Variants in ABI2 observed in about 807,000 individuals in gnomAD.
The protein encoded by ABI2 is abl interactor 2.
ABI2 carries 25 observed loss-of-function variants against 59.2 expected under a neutral mutation model. That is an observed-to-expected ratio of 0.42 (90% CI 0.31 to 0.59). ABI2 has a LOEUF of 0.59. Among genes scored for constraint, ABI2 ranks in the 20% least tolerant of loss-of-function variants. ABI2 has a pLI of 0.14. For missense variants in ABI2, 545 were observed against 681.8 expected (o/e 0.80, Z 2.23); for synonymous variants, 213 against 235.5 (o/e 0.90, Z 0.87).
At chr2:203,371,243 T>G (rs1577488579) in intron 2 of ABI2, among the ~76,000 whole-genome samples, 1 of 152,228 alleles carries the variant, frequency 6.6e-6, no homozygotes, top group Admixed American at 6.5e-5. Flanking sequence ...CCTCTATTAC[T>G]TTAATGTAAC....
intron 1 of ABI2, among the ~76,000 whole-genome samples, chr2:203,344,919 G>T (rs1209451707): frequency 6.6e-6 from 1 of 151,792 alleles, no homozygotes. Flanking sequence ...ACCAATCAGC[G>T]CTCTGTAAAA....
intron 1 of ABI2, among the ~76,000 whole-genome samples, chr2:203,361,610 C>CT (rs1387004305): frequency 6.6e-6 from 1 of 151,752 alleles, no homozygotes; most frequent in African/African-American, 2.4e-5. Context: ...AGAATGAAAA[C>CT]TAAAAAAAAG....
At chr2:203,416,154 A>T (rs1164389730) in intron 10 of ABI2, among the ~76,000 whole-genome samples, 1 of 152,186 alleles carries the variant, frequency 6.6e-6, no homozygotes, top group Non-Finnish European at 1.5e-5. Flanking sequence ...GGACTCATTT[A>T]AGTGAAAAAA....
At chr2:203,357,162 G>A (rs2092334172) in intron 1 of ABI2, among the ~76,000 whole-genome samples, 1 of 152,084 alleles carries the variant, frequency 6.6e-6, no homozygotes, top group South Asian at 2.1e-4. Flanking sequence ...AGCATATATA[G>A]TCCAGTCTAA....
chr2:203,397,045 GT>G, intron 8 of ABI2, 78 bp downstream of exon 8: 1 of 1,287,010 alleles, frequency 7.8e-7, no homozygotes, highest in Non-Finnish European at 9.8e-7. Flanking sequence ...ATTTTTGTTT[GT>G]TTTTGGTTTT....
At position 203,350,340 on chromosome 2, in the gene ABI2, C is replaced by T. The variant is rs952777576; in HGVS notation, c.118-16537C>T. 9.2e-5 allele frequency among the ~76,000 whole-genome samples: 14 copies of T among 151,856 alleles called. No individual in the cohort carries two copies. The South Asian group carries it at 1.5e-3, about 16-fold the overall frequency. On this transcript the variant is annotated intron_variant, in intron 1 of 11. Coordinates refer to ENST00000261018, the MANE Select transcript of ABI2 (RefSeq NM_001375670.1). Reference sequence around the variant, plus strand: ...GATCCTCCCGCCTCGTGACCAACCACGCCTGGCCAACGGTCTCTGTTTTTA... The same window carrying T: ...GATCCTCCCGCCTCGTGACCAACCATGCCTGGCCAACGGTCTCTGTTTTTA...
rs1368347459 is a variant in ABI2, at chr2:203,429,521, G to T, written c.*2169G>T. 1 of 152,138 alleles carries T rather than the reference G, an allele frequency of 6.6e-6. No individual in the cohort carries two copies. Among genetic ancestry groups the T allele is most frequent in the Non-Finnish European group, 1.5e-5 (1 of 68,042 alleles). 9.4% of individuals were successfully genotyped at this position (152,138 alleles called of 1,614,324 possible). ...TGCCTGTAATCCCAGCACTTTCGGA[G>T]GCCGAGGTGGGTGGATCATGAGGTC... is the stretch of plus-strand genomic sequence containing the variant. On this transcript the variant is annotated 3_prime_UTR_variant, in exon 12 of 12. Transcript: ENST00000261018.
chr2:203,384,301 T>TTTTTGTTTTG (rs2096342400), intron 4 of ABI2, among the ~76,000 whole-genome samples: 1 of 119,786 alleles, frequency 8.3e-6, no homozygotes, highest in African/African-American at 3.4e-5. Flanking sequence ...TTTTTTTTTT[T>TTTTTGTTTTG]TTTTTTTTTT....
rs1239089552 is a variant in ABI2 at position 203,402,633 on chromosome 2, C to A, written c.1091C>A (p.Thr364Lys). 6.2e-7 allele frequency: 1 copy of A among 1,607,344 alleles called. No homozygotes were observed. Among genetic ancestry groups the A allele is most frequent in the African/African-American group, 1.3e-5 (1 of 74,696 alleles). The change falls in exon 9 of 12, where the codon ACA (threonine) becomes AAA (lysine). Residue 364 changes from threonine (T) to lysine (K), a missense_variant. Around this residue, in one of 4 missense-constraint regions of ABI2, gnomAD observed 410 missense variants for 435.6 expected, o/e 0.94. Transcript: ENST00000261018. ...CCTGCCTCTCGCCATACTCCCCCAA[C>A]AATAGGGGGCTCGTTGCCCTATAGA... ...NRPASRHTPP[T>K]IGGSLPYRRP...
intron 1 of ABI2, among the ~76,000 whole-genome samples, chr2:203,332,941 T>A (rs1210898192): frequency 6.6e-6 from 1 of 152,196 alleles, no homozygotes; most frequent in African/African-American, 2.4e-5. Context: ...TAATATGGAT[T>A]TATTCAAAAG....
chr2:203,399,515 G>A (rs577381219), intron 8 of ABI2, among the ~76,000 whole-genome samples: 4 of 151,614 alleles, frequency 2.6e-5, no homozygotes, highest in East Asian at 1.9e-4. Flanking sequence ...TTTTTTTGGC[G>A]GGGGGAGGAG....
intron 1 of ABI2, among the ~76,000 whole-genome samples, chr2:203,331,478 C>A (rs1258386295): frequency 6.7e-6 from 1 of 149,484 alleles, no homozygotes; most frequent in Non-Finnish European, 1.5e-5. Context: ...TCTGCCTCAG[C>A]CTTCCAAGTA....
At position 203,396,978 on chromosome 2, in the gene ABI2, G is replaced by T; in HGVS notation, c.1033+11G>T. On this transcript the variant is annotated intron_variant, in intron 8 of 11. Transcript: ENST00000261018. ...CCACTCCCCCTACAGGTAAGTATTTGCTTATTCATTGGCAGGCAGATGCAG... is the reference window on the plus strand; with the variant it reads ...CCACTCCCCCTACAGGTAAGTATTTTCTTATTCATTGGCAGGCAGATGCAG... 1.4e-6 allele frequency: 2 copies of T among 1,423,140 alleles called. No individual in the cohort carries two copies. Among genetic ancestry groups the T allele is most frequent in the East Asian group, 2.8e-5 (1 of 35,732 alleles). 88.2% of individuals were successfully genotyped at this position (1,423,140 alleles called of 1,614,324 possible).
At chr2:203,372,583 C>T (rs1310478234) in intron 2 of ABI2, among the ~76,000 whole-genome samples, 8 of 150,300 alleles carry the variant, frequency 5.3e-5, no homozygotes, top group Non-Finnish European at 7.4e-5. Context: ...CCCTCCCGGA[C>T]GGGGCGGGTG....
At chr2:203,342,069 A>ATT in intron 1 of ABI2, 3 of 336,414 alleles carry the variant, frequency 8.9e-6, no homozygotes, top group Admixed American at 3.9e-5. Flanking sequence ...AATTATGTTC[A>ATT]TTTTTTTTTT....
chr2:203,336,677 G>GTATT (rs1228461829), intron 1 of ABI2, among the ~76,000 whole-genome samples: 2 of 152,120 alleles, frequency 1.3e-5, no homozygotes, highest in African/African-American at 2.4e-5. Flanking sequence ...TTTTGTTTTA[G>GTATT]TATTGCTTTA....
Position 203,352,325 on chromosome 2 carries a change from T to C in ABI2, c.118-14552T>C, listed in dbSNP as rs551109156. On this transcript the variant is annotated intron_variant, in intron 1 of 11. Coordinates refer to ENST00000261018, the MANE Select transcript of ABI2 (RefSeq NM_001375670.1). ...ATTTATGATATTGTACTTTTTATTT[T>C]AGAGTTTACTCCTACTTATTAAAAA... Among the ~76,000 whole-genome samples, 9 of 152,334 alleles carry C rather than the reference T, an allele frequency of 5.9e-5. No individual in the cohort carries two copies. In the South Asian group the frequency reaches 1.9e-3, roughly 32 times the overall value.
chr2:203,344,880 A>G (rs1021393486), intron 1 of ABI2, among the ~76,000 whole-genome samples: 11 of 152,126 alleles, frequency 7.2e-5, no homozygotes, highest in African/African-American at 1.2e-4. Flanking sequence ...AGGTTTGTAA[A>G]TGCACCAATA....
At position 203,431,182 on chromosome 2, in the gene ABI2, A is replaced by C. The variant is rs2098480647; in HGVS notation, c.*3830A>C. 1 of 152,518 alleles carries C rather than the reference A, an allele frequency of 6.6e-6. No individual in the cohort carries two copies. The highest frequency in any genetic ancestry group is 2.4e-5 in the African/African-American group (1 of 41,436). 9.4% of individuals were successfully genotyped at this position (152,518 alleles called of 1,614,324 possible). The stretch of plus-strand genomic sequence containing the variant: ...ATAAGATTTAGAATCACTGAGTTTG[A>C]GCTAGATGAAATTTTTAAAATTTCT... On this transcript the variant is annotated 3_prime_UTR_variant, in exon 12 of 12. Transcript: ENST00000261018.
Sources: gnomAD v4.1 joint callset for allele counts (sites outside exome capture counted in the v4.1 genomes callset) on GRCh38, gnomAD v4.1.1 for gene constraint, gnomAD v4.1.1 regional missense constraint, MANE v1.5 for transcripts, NCBI Gene and HGNC (gene_info 2026-07-23, HGNC 2026-07-21) for gene names.